The following FMN2 variants were observed in gnomAD, a reference collection of about 807,000 sequenced individuals.
FMN2 encodes the protein formin-2.
FMN2 carries 51 observed loss-of-function variants against 142.3 expected under a neutral mutation model. The ratio of observed to expected loss-of-function variants is 0.36; its 90% CI spans 0.29 to 0.45. FMN2 has a LOEUF of 0.45. FMN2 is among the 20% of genes least tolerant of loss of function. FMN2 has a pLI of 1.00. For synonymous variants in FMN2, 882 were observed against 869.8 expected (o/e 1.01, Z -0.25); for missense variants, 1,936 against 2,122.8 (o/e 0.91, Z 1.73).
intron 2 of FMN2, among the ~76,000 whole-genome samples, chr1:240,123,886 T>A (rs769497388): frequency 6.6e-6 from 1 of 152,260 alleles, no homozygotes; most frequent in African/African-American, 2.4e-5. Flanking sequence ...TGAATCTGAC[T>A]ATGCTAGGTA....
chr1:240,171,321 C>G, intron 2 of FMN2: 1 of 689,014 alleles, frequency 1.5e-6, no homozygotes, highest in Non-Finnish European at 2.7e-6. Flanking sequence ...AGCGTCCATC[C>G]TGTCGTGATG....
rs1477872332 is a variant in FMN2 at position 240,093,163 on chromosome 1, G to A, written c.1054G>A (p.Asp352Asn). 49 of 1,442,766 alleles carry A rather than the reference G, an allele frequency of 3.4e-5. No individual in the cohort carries two copies. The highest frequency in any genetic ancestry group is 4.4e-5 in the Non-Finnish European group (48 of 1,102,978). 89.4% of individuals were successfully genotyped at this position (1,442,766 alleles called of 1,614,324 possible). A position where few individuals can be genotyped will look rare whatever the true frequency, so the allele number is the denominator to read the frequency against. Residue 352 changes from aspartate (D) to asparagine (N), a missense_variant, in exon 1 of 18, where the codon GAT becomes AAT. Physicochemically the swap from Asp to Asn is conservative, Grantham distance 23. Coordinates refer to ENST00000319653, the MANE Select transcript of FMN2 (RefSeq NM_020066.5). ...GGACACGGATGAGGAGGGTGAGGAG[G>A]ATGCTTTTGAGGATGCGCCCCGGGG... ...AGDTDEEGEEDAFEDAPRGSP... is the reference protein window; with the variant it reads ...AGDTDEEGEENAFEDAPRGSP...
At chr1:240,233,089 T>C (rs544766469) in intron 6 of FMN2, among the ~76,000 whole-genome samples, 1 of 152,310 alleles carries the variant, frequency 6.6e-6, no homozygotes, top group Non-Finnish European at 1.5e-5. Flanking sequence ...AGAAAACTAC[T>C]GTGTATGATG....
intron 14 of FMN2, among the ~76,000 whole-genome samples, chr1:240,363,843 C>T (rs57874419): frequency 0.19 from 29,434 of 151,956 alleles, 3,393 homozygotes; most frequent in Admixed American, 0.31. Context: ...TGCTTCCTGC[C>T]TGATGGCTCA....
chr1:240,324,433 G>A (rs207461307), intron 8 of FMN2, among the ~76,000 whole-genome samples: 6 of 152,114 alleles, frequency 3.9e-5, no homozygotes, highest in Admixed American at 6.5e-5. Flanking sequence ...CCAGGAAGGC[G>A]GATCACTTGA....
At chr1:240,339,122 C>T (rs1454665789) in intron 13 of FMN2, among the ~76,000 whole-genome samples, 5 of 152,120 alleles carry the variant, frequency 3.3e-5, no homozygotes, top group Non-Finnish European at 7.4e-5. Context: ...TGCTTGCTGG[C>T]CACTCACCTC....
chr1:240,290,132 C>CT (rs1669728650), intron 7 of FMN2, among the ~76,000 whole-genome samples: 1 of 151,984 alleles, frequency 6.6e-6, no homozygotes, highest in Admixed American at 6.6e-5. Context: ...TTGCTTTATT[C>CT]TTTTATTTTT....
rs143946606 is a variant in FMN2, at chr1:240,194,509, G to A, written c.1986+6247G>A. ...AATAAAGGAATAGGGAGAAGGGTGA[G>A]TGGAGGCTCAGGAGACTCAGAAGTG... On this transcript the variant is annotated intron_variant, in intron 4 of 17. Transcript: ENST00000319653. 3.7e-4 allele frequency among the ~76,000 whole-genome samples: 56 copies of A among 152,336 alleles called. 1 individual carries two copies. In the East Asian group the frequency reaches 8.9e-3, roughly 24 times the overall value.
At chr1:240,262,203 T>C (rs1246650358) in intron 7 of FMN2, among the ~76,000 whole-genome samples, 1 of 151,962 alleles carries the variant, frequency 6.6e-6, no homozygotes, top group East Asian at 1.9e-4. Context: ...TGGGCTTTGA[T>C]ATTTGGCCCC....
chr1:240,377,399 C>T (rs1194521667), intron 14 of FMN2, among the ~76,000 whole-genome samples: 3 of 151,690 alleles, frequency 2.0e-5, no homozygotes, highest in Admixed American at 6.6e-5. Context: ...ATTAGTTTTC[C>T]GTTAGTGCTG....
chr1:240,424,796 G>A (rs1299227972), intron 15 of FMN2, among the ~76,000 whole-genome samples: 1 of 152,144 alleles, frequency 6.6e-6, no homozygotes, highest in Non-Finnish European at 1.5e-5. Context: ...CTAAATCTTA[G>A]TTATCCATAT....
At chr1:240,319,236 C>T (rs1670888274) in intron 8 of FMN2, among the ~76,000 whole-genome samples, 1 of 151,994 alleles carries the variant, frequency 6.6e-6, no homozygotes, top group Admixed American at 6.6e-5. Context: ...GTTGCCTAGT[C>T]AACATAAAAG....
chr1:240,355,500 AG>A (rs1375194183), intron 13 of FMN2, among the ~76,000 whole-genome samples: 1 of 152,194 alleles, frequency 6.6e-6, no homozygotes, highest in Non-Finnish European at 1.5e-5. Context: ...ACAGTGAGGC[AG>A]GCTCTGCTAT....
intron 6 of FMN2, among the ~76,000 whole-genome samples, chr1:240,248,455 ATAT>A (rs1572113809): frequency 8.4e-6 from 1 of 118,368 alleles, no homozygotes; most frequent in African/African-American, 3.3e-5. Flanking sequence ...ATATATATAT[ATAT>A]AACATACATG....
intron 6 of FMN2, among the ~76,000 whole-genome samples, chr1:240,222,227 C>T (rs1667146125): frequency 6.6e-6 from 1 of 152,072 alleles, no homozygotes; most frequent in South Asian, 2.1e-4. Flanking sequence ...GTTTTCCCAA[C>T]ACCATTTATT....
chr1:240,350,709 A>G (rs755099120), intron 13 of FMN2, among the ~76,000 whole-genome samples: 7 of 152,170 alleles, frequency 4.6e-5, no homozygotes, highest in Non-Finnish European at 1.0e-4. Flanking sequence ...ATTCTATCCT[A>G]TATCATTTGT....
At chr1:240,426,389 A>C (rs573210947) in intron 15 of FMN2, among the ~76,000 whole-genome samples, 10 of 152,340 alleles carry the variant, frequency 6.6e-5, no homozygotes, top group South Asian at 2.1e-4. Context: ...AGAAGTCTTT[A>C]AAGCAATATT....
At chr1:240,195,129 A>G (rs1202926688) in intron 4 of FMN2, among the ~76,000 whole-genome samples, 11 of 152,150 alleles carry the variant, frequency 7.2e-5, no homozygotes, top group Admixed American at 7.2e-4. Context: ...TTGCGAACTC[A>G]CCTACTTGCT....
chr1:240,200,241 T>C (rs2103370451), intron 4 of FMN2, among the ~76,000 whole-genome samples: 1 of 152,320 alleles, frequency 6.6e-6, no homozygotes, highest in South Asian at 2.1e-4. Context: ...GTGTGGGTCC[T>C]GAGAGTAGGG....
Sources: gnomAD v4.1 joint callset for allele counts (sites outside exome capture counted in the v4.1 genomes callset) on GRCh38, gnomAD v4.1.1 for gene constraint, MANE v1.5 for transcripts, NCBI Gene and HGNC (gene_info 2026-07-23, HGNC 2026-07-21) for gene names.